The following AKAP13 variants were observed in gnomAD, a reference collection of about 807,000 sequenced individuals.
AKAP13 encodes the protein A-kinase anchor protein 13.
A neutral mutation model predicts 264.5 loss-of-function variants in AKAP13; 80 were observed. That is an observed-to-expected ratio of 0.30 (90% CI 0.25 to 0.36). AKAP13 has a LOEUF of 0.36. Ranked by LOEUF, AKAP13 falls within the 10% of genes least tolerant of loss-of-function variation. The pLI is 1.00. For synonymous variants in AKAP13, 1,380 were observed against 1,250.2 expected (o/e 1.10, Z -2.19); for missense variants, 3,712 against 3,435.2 (o/e 1.08, Z -2.01).
intron 14 of AKAP13, 24 bp from the exon 15 acceptor site, chr15:85,682,134 C>G: frequency 6.2e-7 from 1 of 1,612,476 alleles, no homozygotes; most frequent in South Asian, 1.1e-5. Flanking sequence ...TTGGTTCTAA[C>G]TTTTTTTCTG....
At chr15:85,413,587 G>T (rs894805206) in intron 1 of AKAP13, among the ~76,000 whole-genome samples, 1 of 152,180 alleles carries the variant, frequency 6.6e-6, no homozygotes, top group Admixed American at 6.5e-5. Flanking sequence ...GCAAGCATCA[G>T]GTGACTGAAA....
In AKAP13 at chr15:85,748,610, T is replaced by C. The variant is rs2089437653; in HGVS notation, c.*3933T>C. The C allele has an allele frequency of 6.6e-6, 1 of 152,204 alleles. No individual in the cohort carries two copies. The highest frequency in any genetic ancestry group is 2.4e-5 in the African/African-American group (1 of 41,438). The allele number at this position is 152,204 out of a possible 1,614,324, so 9.4% of individuals were successfully genotyped here. A position where few individuals can be genotyped will look rare whatever the true frequency, so the allele number is the denominator to read the frequency against. ...GGAATCTACTGCCTGCTGGCCAGGC[T>C]TTAAAATGAAAAGTGTTTTAATGCT... On this transcript the variant is annotated 3_prime_UTR_variant, in exon 37 of 37. Coordinates refer to ENST00000394518, the MANE Select transcript of AKAP13 (RefSeq NM_007200.5).
At chr15:85,438,993 C>T (rs1211718588) in intron 1 of AKAP13, among the ~76,000 whole-genome samples, 2 of 145,606 alleles carry the variant, frequency 1.4e-5, no homozygotes, top group Admixed American at 6.8e-5. Flanking sequence ...TAAAGAGCTT[C>T]TGCACAGCAA....
chr15:85,396,302 C>T (rs997000131), intron 1 of AKAP13, among the ~76,000 whole-genome samples: 2 of 152,074 alleles, frequency 1.3e-5, no homozygotes, highest in East Asian at 1.9e-4. Context: ...TGTCACTTTC[C>T]GTTTTAACCT....
chr15:85,650,478 T>C (rs4240775), intron 10 of AKAP13, among the ~76,000 whole-genome samples: 128,762 of 151,914 alleles, frequency 0.85, 54,632 homozygotes, highest in East Asian at 0.95. Flanking sequence ...ATTAAGAAAA[T>C]GACAATTGCG....
At position 85,664,700 on chromosome 15, in the gene AKAP13, T is replaced by C; in HGVS notation, c.4937T>C (p.Leu1646Pro). The change falls in exon 13 of 37, where the codon CTT (leucine) becomes CCT (proline). Residue 1646 changes from leucine to proline, a missense_variant. Leu to Pro is a moderately conservative substitution (Grantham distance 98, BLOSUM62 -3). Transcript: ENST00000394518. ...GEERVDSLVS[L>P]SEEDLESDQR... ...GAACGGGTTGACTCTTTGGTGTCAC[T>C]TTCAGAAGAGGATCTGGAGTCAGAC... 3 of 1,614,106 alleles carry C rather than the reference T, an allele frequency of 1.9e-6. No homozygotes were observed. Among genetic ancestry groups the C allele is most frequent in the Non-Finnish European group, 2.5e-6 (3 of 1,179,988 alleles).
At chr15:85,663,888 T>G (rs2083468056) in intron 12 of AKAP13, among the ~76,000 whole-genome samples, 2 of 152,216 alleles carry the variant, frequency 1.3e-5, no homozygotes, top group Non-Finnish European at 2.9e-5. Context: ...GGCAAAAAAT[T>G]ACAACTCTTT....
At chr15:85,483,130 G>A (rs1033914932) in intron 1 of AKAP13, among the ~76,000 whole-genome samples, 12 of 152,204 alleles carry the variant, frequency 7.9e-5, no homozygotes, top group Non-Finnish European at 1.6e-4. Flanking sequence ...AGTGTGGCGG[G>A]AACCATTCAG....
At chr15:85,401,276 G>A in intron 1 of AKAP13, among the ~76,000 whole-genome samples, 1 of 145,308 alleles carries the variant, frequency 6.9e-6, no homozygotes, top group Non-Finnish European at 1.5e-5. Context: ...AAACCACCCA[G>A]TTTTTTATGT....
At chr15:85,419,154 A>G (rs796413779) in intron 1 of AKAP13, among the ~76,000 whole-genome samples, 5 of 152,378 alleles carry the variant, frequency 3.3e-5, no homozygotes, top group African/African-American at 1.2e-4. Flanking sequence ...TGCTTTAAGT[A>G]TAATCTTTGT....
intron 2 of AKAP13, among the ~76,000 whole-genome samples, chr15:85,493,399 G>T (rs2075788014): frequency 6.6e-6 from 1 of 152,156 alleles, no homozygotes; most frequent in Admixed American, 6.5e-5. Context: ...CATAGGCCCT[G>T]AGTAGCTAGT....
intron 2 of AKAP13, among the ~76,000 whole-genome samples, chr15:85,509,356 A>G (rs1243244061): frequency 2.6e-5 from 4 of 152,206 alleles, no homozygotes; most frequent in African/African-American, 9.6e-5. Flanking sequence ...TTTTGTGCAT[A>G]TGCTTGCTTT....
At chr15:85,582,169 G>T in intron 7 of AKAP13, 62 bp downstream of exon 7, 1 of 1,489,234 alleles carries the variant, frequency 6.7e-7, no homozygotes, top group Non-Finnish European at 8.9e-7. Context: ...GAGTCACTGT[G>T]GTGTCCTGGT....
chr15:85,555,413 C>T, intron 5 of AKAP13: 1 of 1,288,434 alleles, frequency 7.8e-7, no homozygotes. Context: ...CTGCTTTCCT[C>T]TATTTTTAAA....
At chr15:85,619,702 C>T in intron 8 of AKAP13, 8 of 995,854 alleles carry the variant, frequency 8.0e-6, no homozygotes, top group Middle Eastern at 5.1e-4. Flanking sequence ...GTGTATCGGC[C>T]GTTATGCTTA....
chr15:85,453,374 C>T (rs1022973697), intron 1 of AKAP13, among the ~76,000 whole-genome samples: 2 of 152,094 alleles, frequency 1.3e-5, no homozygotes, highest in Admixed American at 6.5e-5. Flanking sequence ...CCACTTTTCC[C>T]TAGGGCTGCT....
At chr15:85,660,426 C>T (rs16942856) in intron 12 of AKAP13, among the ~76,000 whole-genome samples, 99 of 143,610 alleles carry the variant, frequency 6.9e-4, no homozygotes, top group African/African-American at 2.3e-3. Context: ...TCACTCTCTT[C>T]GTGTTAAATC....
chr15:85,424,277 T>C (rs536035131), intron 1 of AKAP13, among the ~76,000 whole-genome samples: 1 of 152,380 alleles, frequency 6.6e-6, no homozygotes, highest in African/African-American at 2.4e-5. Flanking sequence ...ATCTGTTGTT[T>C]AGTGTAGCTA....
At chr15:85,684,057 TG>T (rs1203115720) in intron 15 of AKAP13, among the ~76,000 whole-genome samples, 1 of 152,168 alleles carries the variant, frequency 6.6e-6, no homozygotes, top group Non-Finnish European at 1.5e-5. Context: ...AACTTGGATA[TG>T]TGGTCAGTCA....
Sources: gnomAD v4.1 joint callset for allele counts (sites outside exome capture counted in the v4.1 genomes callset) on GRCh38, gnomAD v4.1.1 for gene constraint, MANE v1.5 for transcripts, NCBI Gene and HGNC (gene_info 2026-07-23, HGNC 2026-07-21) for gene names.